The following DOCK6 variants were observed in gnomAD, a reference collection of about 807,000 sequenced individuals.
The protein encoded by DOCK6 is dedicator of cytokinesis protein 6.
Under a neutral mutation model 230.3 loss-of-function variants are expected in DOCK6, and 167 were observed. That is an observed-to-expected ratio of 0.73 (90% CI 0.64 to 0.82). The LOEUF (loss-of-function observed/expected upper bound fraction) is 0.82. Ranked by LOEUF, DOCK6 falls within the 40% of genes least tolerant of loss-of-function variation. DOCK6 has a pLI of 0.00. For synonymous variants in DOCK6, 1,148 were observed against 1,185.0 expected, an observed-to-expected ratio of 0.97 and a Z score of 0.64; for missense variants, 2,598 against 2,825.8, an observed-to-expected ratio of 0.92 and a Z score of 1.83.
At chr19:11,213,796 ATTTT>A (rs763028538) in intron 34 of DOCK6, among the ~76,000 whole-genome samples, 1 of 111,414 alleles carries the variant, frequency 9.0e-6, no homozygotes. Flanking sequence ...TCTGGCTAAC[ATTTT>A]TTTTTTTTTT....
At chr19:11,255,009 C>CT (rs1470268960) in intron 1 of DOCK6, among the ~76,000 whole-genome samples, 2 of 152,124 alleles carry the variant, frequency 1.3e-5, no homozygotes, top group East Asian at 1.9e-4. Context: ...GCACACACTC[C>CT]TTTTTTTTCT....
chr19:11,254,021 C>A (rs1328812604), intron 1 of DOCK6: 1 of 313,922 alleles, frequency 3.2e-6, no homozygotes, highest in Non-Finnish European at 5.8e-6. Flanking sequence ...GGGAGGCCCA[C>A]GGGTCCCTGG....
chr19:11,262,269 G>A (rs911326258), intron 1 of DOCK6, 128 bp downstream of exon 1: 22 of 587,472 alleles, frequency 3.7e-5, no homozygotes, highest in Admixed American at 1.1e-4. Flanking sequence ...GCCGGAGGAA[G>A]CTGGCGGGAC....
In DOCK6 at chr19:11,200,668, T is replaced by C. The variant is rs201247176; in HGVS notation, c.5939+48A>G. 50 of 1,547,490 alleles carry C rather than the reference T, an allele frequency of 3.2e-5. No homozygotes were observed. Among genetic ancestry groups the C allele is most frequent in the Non-Finnish European group, 4.3e-5 (49 of 1,139,196 alleles). On this transcript the variant is annotated intron_variant, in intron 46 of 47. Transcript: ENST00000294618. This position sits in a 1 kb window ranked among gnomAD's most constrained non-coding sequence, Gnocchi z 4.3. ...ATCAGATGGGCAGAGAGCAGGCCTA[T>C]GCAGGTTAGGCAGACACGAGACCCC... is the stretch of plus-strand genomic sequence containing the variant.
chr19:11,248,442 G>A (rs1275633617), intron 6 of DOCK6, among the ~76,000 whole-genome samples: 3 of 150,892 alleles, frequency 2.0e-5, no homozygotes, highest in Non-Finnish European at 4.4e-5. Context: ...ATGGAGTCTC[G>A]CTCTGTCACC....
Position 11,252,172 on chromosome 19 carries a change from GGC to G in DOCK6, c.452_453del (p.Arg151ProfsTer4). The stretch of plus-strand genomic sequence containing the variant: ...CCAGAAGCATCCTGCTCAAAGACCT[GGC>G]GGGGGAGGCCCTTCTGTCGCTCCCG... ...TQRERQKGLP[R>X]QVFEQDASGD... On this transcript the variant is annotated frameshift_variant, in exon 5 of 48. Coordinates refer to ENST00000294618, the MANE Select transcript of DOCK6 (RefSeq NM_020812.4). LOFTEE classifies it high-confidence loss of function. The G allele has an allele frequency of 6.3e-7, 1 of 1,584,698 alleles. No homozygotes were observed.
chr19:11,246,554 G>A (rs553037357), intron 7 of DOCK6, among the ~76,000 whole-genome samples: 26 of 151,984 alleles, frequency 1.7e-4, no homozygotes, highest in South Asian at 1.5e-3. Context: ...GTGAGCCACC[G>A]CGCCCCGCCG....
At chr19:11,241,782 G>T (rs1278222988) in intron 14 of DOCK6, 2 of 1,534,686 alleles carry the variant, frequency 1.3e-6, no homozygotes, top group Non-Finnish European at 1.8e-6. Flanking sequence ...CTGTTCACTG[G>T]GATCAGCCAG....
Position 11,227,363 on chromosome 19 carries a change from G to A in DOCK6, c.2929C>T (p.Leu977=), listed in dbSNP as rs1175558588. ...TTGTGGACACGGGTGATGACCTCCA[G>A]GCCCACAGAGCCCACCAAGGCAGTG... ...DITALVGSVG[L]EVITRVHKDV... The change falls in exon 24 of 48, where the codon CTG becomes TTG. Residue 977 remains leucine, a synonymous_variant. Transcript: ENST00000294618. 6.2e-7 allele frequency: 1 copy of A among 1,613,896 alleles called. No individual in the cohort carries two copies. The highest frequency in any genetic ancestry group is 8.5e-7 in the Non-Finnish European group (1 of 1,179,882).
rs544510651 is a variant in DOCK6 at position 11,201,057 on chromosome 19, G to A, written c.5689-5C>T. On this transcript the variant is annotated splice_polypyrimidine_tract_variant and splice_region_variant and intron_variant, in intron 44 of 47. Transcript: ENST00000294618. The surrounding 1 kb of genome is among the most constrained non-coding windows in gnomAD (Gnocchi z 4.3). Reference sequence around the variant, plus strand: ...CTCCACTGGCGTCAGCACCGTCTGTGGGGTAAGGGGAGGGGTGTGTACTCG... The same window carrying A: ...CTCCACTGGCGTCAGCACCGTCTGTAGGGTAAGGGGAGGGGTGTGTACTCG... The A allele has an allele frequency of 5.0e-6, 8 of 1,613,368 alleles. No homozygotes were observed. The highest frequency in any genetic ancestry group is 2.2e-5 in the East Asian group (1 of 44,882).
At chr19:11,238,703 CAGG>C (rs1374113986) in intron 14 of DOCK6, 1 of 191,002 alleles carries the variant, frequency 5.2e-6, no homozygotes, top group Non-Finnish European at 1.1e-5. Context: ...GCCCTTCCCC[CAGG>C]AGGTCACTAG....
At position 11,208,903 on chromosome 19, in the gene DOCK6, C is replaced by G; in HGVS notation, c.4944+8G>C. On this transcript the variant is annotated splice_region_variant and intron_variant, in intron 38 of 47. Coordinates refer to ENST00000294618, the MANE Select transcript of DOCK6 (RefSeq NM_020812.4). The stretch of plus-strand genomic sequence containing the variant: ...CCGTCCGCCACCTGCCAACCCCTGG[C>G]CACTCACCTGGAAGGAAACGCAGCC... The G allele has an allele frequency of 1.3e-6, 2 of 1,597,692 alleles. No individual in the cohort carries two copies. The highest frequency in any genetic ancestry group is 1.7e-6 in the Non-Finnish European group (2 of 1,166,930).
In DOCK6 at chr19:11,200,174, GAAACA is replaced by G. The variant is rs1568660390; in HGVS notation, c.6101+129_6101+133del. ...AAAAAAAAAAACAAAAAAAAAACCG[GAAACA>G]AAACAAAGTCCAAGCTACCAGCAAA... On this transcript the variant is annotated intron_variant, in intron 47 of 47. Transcript: ENST00000294618. The surrounding 1 kb of genome is among the most constrained non-coding windows in gnomAD (Gnocchi z 4.3). The G allele has an allele frequency of 6.2e-6, 6 of 968,864 alleles. No individual in the cohort carries two copies. In the South Asian group the frequency reaches 1.0e-4, roughly 17 times the overall value. The allele number at this position is 968,864 out of a possible 1,614,324, so 60.0% of individuals were successfully genotyped here.
At chr19:11,208,583 C>A in intron 39 of DOCK6, 103 bp downstream of exon 39, 5 of 1,479,928 alleles carry the variant, frequency 3.4e-6, no homozygotes, top group Non-Finnish European at 4.5e-6. Context: ...CCAGCCTATT[C>A]TCCTTCTTTC....
intron 13 of DOCK6, among the ~76,000 whole-genome samples, chr19:11,242,418 G>A (rs2079962127): frequency 6.6e-6 from 1 of 151,832 alleles, no homozygotes; most frequent in Admixed American, 6.6e-5. Context: ...TTTTTAAGTG[G>A]AGTCACTCTG....
At chr19:11,237,806 C>T in intron 16 of DOCK6, 27 bp from the exon 17 acceptor site, 1 of 1,552,960 alleles carries the variant, frequency 6.4e-7, no homozygotes, top group East Asian at 2.4e-5. Context: ...GGGGGATCTG[C>T]TGGGGGCTGG....
rs2079146430 is a variant in DOCK6 at position 11,200,278 on chromosome 19, T to G, written c.6101+30A>C. On this transcript the variant is annotated intron_variant, in intron 47 of 47. Coordinates refer to ENST00000294618, the MANE Select transcript of DOCK6 (RefSeq NM_020812.4). This position sits in a 1 kb window ranked among gnomAD's most constrained non-coding sequence, Gnocchi z 4.3. ...GTCTGCCTCTGCATCCCCTCTCTAGTCTCTAGGATGGGGGCACTAGGTCAG... is the reference window on the plus strand; with the variant it reads ...GTCTGCCTCTGCATCCCCTCTCTAGGCTCTAGGATGGGGGCACTAGGTCAG... 6.5e-7 allele frequency: 1 copy of G among 1,546,734 alleles called. No individual in the cohort carries two copies. The highest frequency in any genetic ancestry group is 8.7e-7 in the Non-Finnish European group (1 of 1,144,820).
chr19:11,233,331 C>T lies in DOCK6; in HGVS notation c.2590G>A (p.Ala864Thr). 6.2e-7 allele frequency: 1 copy of T among 1,613,852 alleles called. No homozygotes were observed. The highest frequency in any genetic ancestry group is 8.5e-7 in the Non-Finnish European group (1 of 1,179,834). Residue 864 changes from alanine (A) to threonine (T), a missense_variant, in exon 22 of 48, where the codon GCC (alanine) becomes ACC (threonine). Transcript: ENST00000294618. ...PPVTVQAATL[A>T]RGSGRPASLY... ...CTTGCGGGGCGACCAGAGCCACGGG[C>T]CAGTGTGGCAGCCTGCACTGTCACT...
chr19:11,199,666 C>T (rs1302410625), intron 47 of DOCK6, 127 bp from the exon 48 acceptor site: 2 of 1,009,278 alleles, frequency 2.0e-6, no homozygotes, highest in Non-Finnish European at 3.0e-6. Context: ...CTCTCCTGTC[C>T]CTGATCTGGC....
Sources: allele counts gnomAD v4.1 joint callset (sites outside exome capture counted in the v4.1 genomes callset), GRCh38; gene constraint gnomAD v4.1.1; non-coding constraint Gnocchi (gnomAD v3.1); transcripts MANE v1.5; gene names NCBI Gene and HGNC (gene_info 2026-07-23, HGNC 2026-07-21).